Variants in SOX5 observed in about 807,000 individuals in gnomAD.
SOX5 encodes transcription factor SOX-5.
A neutral mutation model predicts 92.0 loss-of-function variants in SOX5; 9 were observed. The observed-to-expected ratio is 0.10, with a 90% CI of 0.06 to 0.17. The LOEUF (loss-of-function observed/expected upper bound fraction) is 0.17, where lower values mean the gene tolerates loss of function less well. SOX5 is among the 10% of genes least tolerant of loss of function. The pLI, the probability that SOX5 is intolerant of heterozygous loss-of-function variation, is 1.00. For synonymous variants in SOX5, 344 were observed against 336.3 expected (o/e 1.02, Z -0.25); for missense variants, 642 against 944.5 (o/e 0.68, Z 4.20).
At chr12:24,296,166 T>C (rs1347042461) in intron 2 of SOX5, among the ~76,000 whole-genome samples, 2 of 152,236 alleles carry the variant, frequency 1.3e-5, no homozygotes, top group Admixed American at 6.5e-5. Flanking sequence ...CCTAGGGCAC[T>C]TAGTTTCTGC....
chr12:23,802,166 C>A (rs528257586), intron 3 of SOX5, among the ~76,000 whole-genome samples: 1 of 152,016 alleles, frequency 6.6e-6, no homozygotes, highest in South Asian at 2.1e-4. Context: ...CTCTGCCTCC[C>A]GGGTTCATGC....
chr12:24,466,630 C>T (rs1190525219), intron 1 of SOX5, among the ~76,000 whole-genome samples: 1 of 152,130 alleles, frequency 6.6e-6, no homozygotes, highest in Non-Finnish European at 1.5e-5. Context: ...AGATGTTTCC[C>T]AAACCAAACA....
At chr12:24,509,531 C>G (rs1332431585) in intron 1 of SOX5, among the ~76,000 whole-genome samples, 1 of 152,054 alleles carries the variant, frequency 6.6e-6, no homozygotes, top group Non-Finnish European at 1.5e-5. Flanking sequence ...ATAAGATATA[C>G]TAATAAAGGA....
At chr12:24,145,193 C>T (rs1950954861) in intron 4 of SOX5, among the ~76,000 whole-genome samples, 1 of 152,060 alleles carries the variant, frequency 6.6e-6, no homozygotes, top group Non-Finnish European at 1.5e-5. Context: ...TGACAACAAA[C>T]AAGTAGTTCT....
intron 3 of SOX5, among the ~76,000 whole-genome samples, chr12:23,798,272 C>T (rs2095600401): frequency 1.3e-5 from 2 of 151,934 alleles, no homozygotes; most frequent in African/African-American, 4.8e-5. Context: ...CAAACATTCA[C>T]TGAATTGAAT....
intron 2 of SOX5, among the ~76,000 whole-genome samples, chr12:24,344,507 T>C (rs1413070520): frequency 6.6e-6 from 1 of 152,022 alleles, no homozygotes. Flanking sequence ...ATCACAGCTG[T>C]GCCACTGTCA....
chr12:23,999,578 A>G (rs891611154), intron 4 of SOX5, among the ~76,000 whole-genome samples: 12 of 152,102 alleles, frequency 7.9e-5, no homozygotes, highest in African/African-American at 2.9e-4. Context: ...AATATATTCA[A>G]TTTTTATTTG....
chr12:23,859,310 G>A (rs2096728270), intron 2 of SOX5, among the ~76,000 whole-genome samples: 3 of 152,142 alleles, frequency 2.0e-5, no homozygotes, highest in Non-Finnish European at 4.4e-5. Flanking sequence ...CCCTGGGGAA[G>A]GAATGCATTT....
At chr12:24,301,650 T>C (rs943388216) in intron 2 of SOX5, among the ~76,000 whole-genome samples, 2 of 152,236 alleles carry the variant, frequency 1.3e-5, no homozygotes, top group Non-Finnish European at 2.9e-5. Flanking sequence ...TCTAATAATG[T>C]AGTGCTCTGA....
In SOX5 at chr12:23,680,825, G is replaced by A. The variant is rs143762126; in HGVS notation, c.811-15261C>T. ...AAATATCACAACAGTAGTATTAGAC[G>A]TCAATGGAAAAAAATAAACTGACAA... On this transcript the variant is annotated intron_variant, in intron 6 of 14. Coordinates refer to ENST00000451604, the MANE Select transcript of SOX5 (RefSeq NM_006940.6). 9.4e-4 allele frequency among the ~76,000 whole-genome samples: 143 copies of A among 152,094 alleles called. 3 individuals carry two copies. In the East Asian group the frequency reaches 0.022, roughly 24 times the overall value.
Position 23,825,075 on chromosome 12 carries a change from C to T in SOX5, c.481+20908G>A, listed in dbSNP as rs548321520. ...GCTGGACCACTCGGCTCCCTAGCTT[C>T]AGCCCCCTTTCCAGGGGGAGTGAAC... On this transcript the variant is annotated intron_variant, in intron 3 of 14. Coordinates refer to ENST00000451604, the MANE Select transcript of SOX5 (RefSeq NM_006940.6). 8.1e-4 allele frequency among the ~76,000 whole-genome samples: 124 copies of T among 152,232 alleles called. 1 individual carries two copies. Among genetic ancestry groups the T allele is most frequent in the Non-Finnish European group, 1.5e-3 (99 of 68,004 alleles).
intron 8 of SOX5, among the ~76,000 whole-genome samples, chr12:23,639,761 C>T (rs1404091385): frequency 1.3e-5 from 2 of 152,216 alleles, no homozygotes; most frequent in Non-Finnish European, 2.9e-5. Flanking sequence ...TCCTGGGAAA[C>T]TCAGCTGGCC....
intron 2 of SOX5, among the ~76,000 whole-genome samples, chr12:23,885,762 C>T (rs945877639): frequency 6.6e-6 from 1 of 151,964 alleles, no homozygotes; most frequent in Admixed American, 6.6e-5. Context: ...ACAATTGTCA[C>T]CTTAAGTTAG....
At chr12:24,429,215 G>C (rs1341050505) in intron 1 of SOX5, among the ~76,000 whole-genome samples, 1 of 152,094 alleles carries the variant, frequency 6.6e-6, no homozygotes, top group East Asian at 1.9e-4. Flanking sequence ...TACTCTGGAG[G>C]CTGAGGCAGG....
intron 1 of SOX5, among the ~76,000 whole-genome samples, chr12:23,932,629 T>C (rs535871155): frequency 4.0e-5 from 6 of 151,694 alleles, no homozygotes; most frequent in Non-Finnish European, 7.4e-5. Context: ...GAGGTGTTCA[T>C]TGTGTTATTA....
At chr12:24,011,884 A>G (rs1258905603) in intron 4 of SOX5, among the ~76,000 whole-genome samples, 1 of 152,182 alleles carries the variant, frequency 6.6e-6, no homozygotes, top group African/African-American at 2.4e-5. Context: ...GACTAACAAG[A>G]GAAAATATTA....
intron 4 of SOX5, among the ~76,000 whole-genome samples, chr12:24,101,512 G>A (rs1386340546): frequency 6.6e-6 from 1 of 152,072 alleles, no homozygotes; most frequent in Non-Finnish European, 1.5e-5. Context: ...GTCACCACAA[G>A]AGCAGAACTT....
chr12:23,845,656 G>A (rs1273355956), intron 3 of SOX5, among the ~76,000 whole-genome samples: 1 of 152,142 alleles, frequency 6.6e-6, no homozygotes, highest in East Asian at 1.9e-4. Flanking sequence ...AAAAAAAATG[G>A]AGAGAAACAA....
At chr12:24,454,260 A>G (rs1942729796) in intron 1 of SOX5, among the ~76,000 whole-genome samples, 1 of 152,202 alleles carries the variant, frequency 6.6e-6, no homozygotes, top group African/African-American at 2.4e-5. Flanking sequence ...TAAGGTCTGA[A>G]CAATTCTAAA....
Sources: allele counts gnomAD v4.1 joint callset (sites outside exome capture counted in the v4.1 genomes callset), GRCh38; gene constraint gnomAD v4.1.1; transcripts MANE v1.5; gene names NCBI Gene and HGNC (gene_info 2026-07-23, HGNC 2026-07-21).